Variants in CLVS1 observed in about 807,000 individuals in gnomAD.
CLVS1 encodes the protein clavesin-1.
In CLVS1, 10 loss-of-function variants were observed where a neutral mutation model predicts 33.1. The ratio of observed to expected loss-of-function variants is 0.30; its 90% CI spans 0.19 to 0.51. The LOEUF is 0.51. CLVS1 is among the 20% of genes least tolerant of loss of function. The probability of loss-of-function intolerance (pLI) is 0.97; values close to 1 mark genes in which losing one functional copy is unlikely to be tolerated. For missense variants in CLVS1, 343 were observed against 433.4 expected, an observed-to-expected ratio of 0.79 and a Z score of 1.85; for synonymous variants, 163 against 166.1, an observed-to-expected ratio of 0.98 and a Z score of 0.14.
intron 2 of CLVS1, among the ~76,000 whole-genome samples, chr8:61,229,554 AG>A (rs1400278958): frequency 1.3e-5 from 2 of 152,244 alleles, no homozygotes; most frequent in African/African-American, 2.4e-5. Flanking sequence ...ACATTGGCAG[AG>A]GGAGAGTTCT....
At chr8:61,365,242 T>G (rs752872208) in intron 2 of CLVS1, among the ~76,000 whole-genome samples, 2 of 152,174 alleles carry the variant, frequency 1.3e-5, no homozygotes, top group African/African-American at 4.8e-5. Flanking sequence ...GATCTATAAA[T>G]GTTGGCCAGG....
In CLVS1 at chr8:61,395,523, G is replaced by A. The variant is rs537751847; in HGVS notation, c.630+18744G>A. Among the ~76,000 whole-genome samples the A allele has an allele frequency of 7.2e-5, 11 of 152,250 alleles. No homozygotes were observed. In the South Asian group the frequency reaches 2.1e-3, roughly 29 times the overall value. ...GATGGATATGTTAATTAGCTTGATT[G>A]AATCATTCTATAATTTACACATAGA... is the stretch of plus-strand genomic sequence containing the variant. On this transcript the variant is annotated intron_variant, in intron 3 of 5. Coordinates refer to ENST00000325897, the MANE Select transcript of CLVS1 (RefSeq NM_173519.3).
rs116069050 is a variant in CLVS1 at position 61,158,556 on chromosome 8, G to A, written c.-152+26696G>A. Among the ~76,000 whole-genome samples, 12 of 152,206 alleles carry A rather than the reference G, an allele frequency of 7.9e-5. No individual in the cohort carries two copies. The East Asian group carries it at 1.2e-3, about 15-fold the overall frequency. ...TGTCTTGTAAGTGGTCCCAGCAGAA[G>A]ATAGAGCAGTGCATAATGAGGGGGC... On this transcript the variant is annotated intron_variant, in intron 2 of 2. Coordinates refer to the CLVS1 transcript ENST00000522621.
At chr8:61,063,162 C>T (rs1455140531) in intron 1 of CLVS1, among the ~76,000 whole-genome samples, 1 of 151,964 alleles carries the variant, frequency 6.6e-6, no homozygotes, top group Non-Finnish European at 1.5e-5. Context: ...TGCTCTCGCT[C>T]CCCTGGTGCA....
chr8:61,356,955 T>G (rs1038632029), intron 2 of CLVS1, among the ~76,000 whole-genome samples: 2 of 152,212 alleles, frequency 1.3e-5, no homozygotes, highest in African/African-American at 4.8e-5. Context: ...GTGAAGAAAG[T>G]CATTGGTAGC....
At chr8:61,426,496 A>G (rs1815898205) in intron 3 of CLVS1, among the ~76,000 whole-genome samples, 2 of 152,120 alleles carry the variant, frequency 1.3e-5, no homozygotes, top group Admixed American at 1.3e-4. Flanking sequence ...TTTATGTATG[A>G]CGATTGATAG....
chr8:61,385,215 T>A (rs542718947), intron 3 of CLVS1, among the ~76,000 whole-genome samples: 1 of 152,302 alleles, frequency 6.6e-6, no homozygotes, highest in Admixed American at 6.5e-5. Flanking sequence ...GACAAAGGAC[T>A]GGCCTCTGTG....
chr8:61,284,986 A>G (rs754553822), upstream of CLVS1, among the ~76,000 whole-genome samples: 1 of 152,154 alleles, frequency 6.6e-6, no homozygotes, highest in Non-Finnish European at 1.5e-5. Context: ...CTAAAGACCT[A>G]TGGTGTGGCT....
chr8:61,191,391 A>G (rs1472278882), intron 2 of CLVS1, among the ~76,000 whole-genome samples: 2 of 152,246 alleles, frequency 1.3e-5, no homozygotes, highest in African/African-American at 4.8e-5. Flanking sequence ...AATAAGAGCT[A>G]TTTATGACAA....
At chr8:60,973,851 G>A in the CLVS1 span, among the ~76,000 whole-genome samples, 1 of 152,218 alleles carries the variant, frequency 6.6e-6, no homozygotes, top group African/African-American at 2.4e-5. Flanking sequence ...ATCACCTGAT[G>A]GTCACCTGAC....
In CLVS1 at chr8:61,433,942, A is replaced by T. The variant is rs549172788; in HGVS notation, c.631-20199A>T. Among the ~76,000 whole-genome samples the T allele has an allele frequency of 1.2e-4, 16 of 137,958 alleles. No homozygotes were observed. The South Asian group carries it at 3.2e-3, about 27-fold the overall frequency. 90.5% of individuals were successfully genotyped at this position (137,958 alleles called of 152,430 possible). A position where few individuals can be genotyped will look rare whatever the true frequency, so the allele number is the denominator to read the frequency against. ...AAATAAATAAAACATATCATTCATT[A>T]AAAAAAAAAAAAAGTTGTAGATGGG... On this transcript the variant is annotated intron_variant, in intron 3 of 5. Coordinates refer to ENST00000325897, the MANE Select transcript of CLVS1 (RefSeq NM_173519.3).
the CLVS1 span, among the ~76,000 whole-genome samples, chr8:60,992,315 T>A: frequency 6.6e-6 from 1 of 152,216 alleles, no homozygotes; most frequent in East Asian, 1.9e-4. Context: ...AGCTTCGTAT[T>A]GAGTGGAGTT....
At chr8:61,164,708 C>A (rs965410530) in intron 2 of CLVS1, among the ~76,000 whole-genome samples, 14 of 152,302 alleles carry the variant, frequency 9.2e-5, no homozygotes, top group East Asian at 7.7e-4. Flanking sequence ...CTTCTCCCCC[C>A]ACACACGAGG....
Position 61,471,779 on chromosome 8 carries a change from A to T in CLVS1, c.977+13237A>T, listed in dbSNP as rs1817745884. 2.0e-5 allele frequency among the ~76,000 whole-genome samples: 3 copies of T among 152,036 alleles called. No homozygotes were observed. The South Asian group carries it at 6.2e-4, about 32-fold the overall frequency. ...GCCCCCTGGCCTGGAGGACAATTAC[A>T]TTTTTGTTGGGTCTTTATTAGTGTT... On this transcript the variant is annotated intron_variant, in intron 5 of 5. Coordinates refer to ENST00000325897, the MANE Select transcript of CLVS1 (RefSeq NM_173519.3).
intron 1 of CLVS1, among the ~76,000 whole-genome samples, chr8:61,119,195 C>T (rs911848626): frequency 6.6e-6 from 1 of 152,046 alleles, no homozygotes; most frequent in Admixed American, 6.6e-5. Flanking sequence ...GGATGGCAAC[C>T]CCTGCCTTTA....
chr8:61,123,424 G>C (rs182167912), intron 1 of CLVS1, among the ~76,000 whole-genome samples: 52 of 152,112 alleles, frequency 3.4e-4, no homozygotes, highest in African/African-American at 1.2e-3. Flanking sequence ...TTATGACCTG[G>C]GGAAAAAGAA....
rs567126160 is a variant in CLVS1, at chr8:61,403,308, C to T, written c.630+26529C>T. On this transcript the variant is annotated intron_variant, in intron 3 of 5. Transcript: ENST00000325897. ...GTCAGAGAGTGGGAGGCCCTGTCAG[C>T]CTTGGGAAGAATTCAGTTTTAGTAA... is the stretch of plus-strand genomic sequence containing the variant. Among the ~76,000 whole-genome samples the T allele has an allele frequency of 2.0e-5, 3 of 152,250 alleles. No individual in the cohort carries two copies. The South Asian group carries it at 6.2e-4, about 32-fold the overall frequency.
intron 5 of CLVS1, among the ~76,000 whole-genome samples, chr8:61,487,686 C>T (rs1423460539): frequency 1.3e-5 from 2 of 152,204 alleles, no homozygotes; most frequent in South Asian, 2.1e-4. Flanking sequence ...TTCCCCAAAC[C>T]CCATCCCTAG....
At chr8:61,190,396 C>T (rs1391306577) in intron 2 of CLVS1, among the ~76,000 whole-genome samples, 1 of 152,148 alleles carries the variant, frequency 6.6e-6, no homozygotes, top group East Asian at 1.9e-4. Flanking sequence ...AAATTTATAG[C>T]ACTAAATGCC....
Sources: gnomAD v4.1 joint callset for allele counts (sites outside exome capture counted in the v4.1 genomes callset) on GRCh38, gnomAD v4.1.1 for gene constraint, MANE v1.5 for transcripts, NCBI Gene and HGNC (gene_info 2026-07-23, HGNC 2026-07-21) for gene names.